The following NAALADL2 variants were observed in gnomAD, a reference collection of about 807,000 sequenced individuals.
NAALADL2 encodes N-acetylated alpha-linked acidic dipeptidase like 2.
Under a neutral mutation model 87.2 loss-of-function variants are expected in NAALADL2, and 76 were observed. The ratio of observed to expected loss-of-function variants is 0.87; its 90% CI spans 0.72 to 1.05. The LOEUF (loss-of-function observed/expected upper bound fraction) is 1.05. Among genes scored for constraint, NAALADL2 ranks in the 50% least tolerant of loss-of-function variants. NAALADL2 has a pLI of 0.00. For synonymous variants in NAALADL2, 354 were observed against 331.0 expected (o/e 1.07, Z -0.75); for missense variants, 1,089 against 945.8 (o/e 1.15, Z -1.99).
chr3:174,900,637 T>C (rs559397971), intron 1 of NAALADL2, among the ~76,000 whole-genome samples: 8 of 152,008 alleles, frequency 5.3e-5, no homozygotes, highest in African/African-American at 2.4e-5. Context: ...ATAAAATTAT[T>C]TGTAGTATAA....
chr3:174,904,700 A>C (rs73047019), intron 1 of NAALADL2, among the ~76,000 whole-genome samples: 4,242 of 151,856 alleles, frequency 0.028, 198 homozygotes, highest in African/African-American at 0.091. Context: ...AGAGCATCCT[A>C]CTTCTGTTTA....
In NAALADL2 at chr3:175,755,369, G is replaced by A. The variant is rs765634961; in HGVS notation, c.2140G>A (p.Asp714Asn). Residue 714 changes from aspartate (D) to asparagine (N), a missense_variant, in exon 13 of 14, where the codon GAC becomes AAC. Physicochemically the swap from Asp to Asn is conservative, Grantham distance 23. Coordinates refer to ENST00000454872, the MANE Select transcript of NAALADL2 (RefSeq NM_207015.3). ...CCGGATGCTGAATGACATTCTCCAA[G>A]ACATGGAGAAAAGCTTTCTGGTAAA... Reference protein sequence around the residue: ...RIRMLNDILQDMEKSFLVKQA... With the variant: ...RIRMLNDILQNMEKSFLVKQA... 4 of 1,610,784 alleles carry A rather than the reference G, an allele frequency of 2.5e-6. No homozygotes were observed. Among genetic ancestry groups the A allele is most frequent in the Admixed American group, 1.7e-5 (1 of 59,568 alleles).
chr3:175,720,986 C>CA (rs1300956545), intron 11 of NAALADL2, among the ~76,000 whole-genome samples: 1 of 151,706 alleles, frequency 6.6e-6, no homozygotes, highest in African/African-American at 2.4e-5. Flanking sequence ...AATGGTGTGC[C>CA]AAAAAATGGT....
intron 2 of NAALADL2, among the ~76,000 whole-genome samples, chr3:175,119,670 G>A (rs967200735): frequency 1.1e-5 from 1 of 90,382 alleles, no homozygotes; most frequent in African/African-American, 4.2e-5. Context: ...GAAGGTTGAG[G>A]AGTCACTTAG....
intron 9 of NAALADL2, among the ~76,000 whole-genome samples, chr3:175,494,266 AT>A (rs1286208074): frequency 1.5e-4 from 23 of 152,200 alleles, no homozygotes; most frequent in African/African-American, 5.3e-4. Flanking sequence ...ATGTCTACAT[AT>A]TTTGAAGCAT....
chr3:174,637,011 TA>T (rs1722715691), intron 2 of NAALADL2, among the ~76,000 whole-genome samples: 5 of 152,274 alleles, frequency 3.3e-5, no homozygotes, highest in Admixed American at 3.3e-4. Flanking sequence ...GAAATCATGT[TA>T]TTTGCAGCAA....
intron 5 of NAALADL2, among the ~76,000 whole-genome samples, chr3:175,387,210 G>C (rs114785748): frequency 0.019 from 2,854 of 152,226 alleles, 90 homozygotes; most frequent in African/African-American, 0.066. Flanking sequence ...GACTGCAGTA[G>C]TGTTCAATAC....
intron 2 of NAALADL2, among the ~76,000 whole-genome samples, chr3:174,663,657 C>T (rs1725703508): frequency 6.6e-6 from 1 of 152,092 alleles, no homozygotes; most frequent in Admixed American, 6.6e-5. Context: ...CCCTCATGAC[C>T]TAAACACCTC....
intron 5 of NAALADL2, among the ~76,000 whole-genome samples, chr3:175,401,042 C>T (rs565636552): frequency 6.6e-6 from 1 of 152,286 alleles, no homozygotes; most frequent in African/African-American, 2.4e-5. Flanking sequence ...GCTTCTTTCT[C>T]AGCTCTTGAA....
At chr3:175,535,531 G>T (rs1423543202) in intron 9 of NAALADL2, among the ~76,000 whole-genome samples, 1 of 152,138 alleles carries the variant, frequency 6.6e-6, no homozygotes, top group East Asian at 1.9e-4. Context: ...CCACAGCAAT[G>T]CTTAGTCACA....
chr3:174,458,864 C>T (rs1216570999), intron 1 of NAALADL2, among the ~76,000 whole-genome samples: 1 of 152,168 alleles, frequency 6.6e-6, no homozygotes, highest in Non-Finnish European at 1.5e-5. Context: ...TCTCCTGTCC[C>T]TCAGGATTGC....
intron 5 of NAALADL2, among the ~76,000 whole-genome samples, chr3:175,398,345 T>TTTTGTTTTTG (rs11474771): frequency 1.9e-5 from 1 of 52,148 alleles, no homozygotes; most frequent in Admixed American, 1.9e-4. Context: ...CTTCTGCTAC[T>TTTTGTTTTTG]TTTTTTTTTT....
chr3:174,441,359 C>T (rs1714602445), intron 1 of NAALADL2, among the ~76,000 whole-genome samples: 1 of 152,184 alleles, frequency 6.6e-6, no homozygotes, highest in Admixed American at 6.5e-5. Context: ...CCCGAAGCCG[C>T]TTGTCTTAGG....
At chr3:174,860,031 A>T (rs1726291372) in intron 1 of NAALADL2, among the ~76,000 whole-genome samples, 1 of 152,108 alleles carries the variant, frequency 6.6e-6, no homozygotes. Flanking sequence ...CTTTGTTGAC[A>T]TTGGCTTGAC....
chr3:175,446,025 A>G (rs1025970048), intron 5 of NAALADL2, among the ~76,000 whole-genome samples: 10 of 152,180 alleles, frequency 6.6e-5, no homozygotes, highest in African/African-American at 2.4e-4. Flanking sequence ...GAAGTTCTGT[A>G]TATGACTGGG....
chr3:175,743,466 C>A (rs1336619333), intron 12 of NAALADL2, among the ~76,000 whole-genome samples: 1 of 152,174 alleles, frequency 6.6e-6, no homozygotes, highest in Admixed American at 6.5e-5. Context: ...TTAACCAGGG[C>A]TAGACCTTTT....
intron 11 of NAALADL2, among the ~76,000 whole-genome samples, chr3:175,679,363 A>G (rs941555992): frequency 9.9e-5 from 15 of 152,166 alleles, no homozygotes; most frequent in African/African-American, 3.4e-4. Flanking sequence ...CATTTGATGA[A>G]ACTCAACTGC....
chr3:174,887,380 A>T (rs192406921), intron 1 of NAALADL2, among the ~76,000 whole-genome samples: 1 of 149,128 alleles, frequency 6.7e-6, no homozygotes, highest in Non-Finnish European at 1.5e-5. Flanking sequence ...TATTAATGGT[A>T]TTAATCAATT....
chr3:174,657,546 G>T (rs969894847), intron 2 of NAALADL2, among the ~76,000 whole-genome samples: 1 of 152,014 alleles, frequency 6.6e-6, no homozygotes, highest in African/African-American at 2.4e-5. Flanking sequence ...ATATGCCTGT[G>T]CCCCCACACA....
Sources: gnomAD v4.1 joint callset for allele counts (sites outside exome capture counted in the v4.1 genomes callset) on GRCh38, gnomAD v4.1.1 for gene constraint, MANE v1.5 for transcripts, NCBI Gene and HGNC (gene_info 2026-07-23, HGNC 2026-07-21) for gene names.